Variants in MYO3B observed in about 807,000 individuals in gnomAD.
The protein encoded by MYO3B is myosin-IIIb.
Under a neutral mutation model 174.6 loss-of-function variants are expected in MYO3B, and 156 were observed. That is an observed-to-expected ratio of 0.89 (90% confidence interval 0.78 to 1.02). MYO3B has a LOEUF of 1.02. Ranked by LOEUF, MYO3B falls within the 50% of genes least tolerant of loss-of-function variation. The pLI, the probability that MYO3B is intolerant of heterozygous loss-of-function variation, is 0.00. For synonymous variants in MYO3B, 563 were observed against 569.1 expected, an observed-to-expected ratio of 0.99 and a Z score of 0.15; for missense variants, 1,632 against 1,639.4, an observed-to-expected ratio of 1.00 and a Z score of 0.08.
chr2:170,613,931 A>G (rs754233566), intron 32 of MYO3B, among the ~76,000 whole-genome samples: 16 of 152,070 alleles, frequency 1.1e-4, no homozygotes, highest in Non-Finnish European at 2.1e-4. Flanking sequence ...GTGATCATGT[A>G]AGTTAATACT....
At chr2:170,346,385 A>G (rs1280659408) in intron 8 of MYO3B, 1 of 152,142 alleles carries the variant, frequency 6.6e-6, no homozygotes, top group Non-Finnish European at 1.5e-5. Flanking sequence ...TGGTCCAGGG[A>G]AGGCAGAAGA....
At chr2:170,489,634 G>GGGGTGTGTGTGTGT (rs1553507396) in intron 25 of MYO3B, among the ~76,000 whole-genome samples, 26 of 139,394 alleles carry the variant, frequency 1.9e-4, no homozygotes, top group African/African-American at 4.2e-4. Context: ...AACCAGTAGG[G>GGGGTGTGTGTGTGT]GTGTGTGTGT....
At chr2:170,485,819 G>A (rs2106027105) in intron 25 of MYO3B, among the ~76,000 whole-genome samples, 1 of 152,296 alleles carries the variant, frequency 6.6e-6, no homozygotes, top group South Asian at 2.1e-4. Context: ...GAGATACTTG[G>A]GAGCCAGTTT....
chr2:170,349,797 C>CAAAAAAAAAAAAAAAAAAA (rs528799752), intron 8 of MYO3B: 1 of 94,378 alleles, frequency 1.1e-5, no homozygotes, highest in Non-Finnish European at 2.0e-5. Flanking sequence ...GACCCTGTCT[C>CAAAAAAAAAAAAAAAAAAA]AAAAAAAAAA....
chr2:170,284,570 G>A (rs536460287), intron 7 of MYO3B, among the ~76,000 whole-genome samples: 2 of 152,164 alleles, frequency 1.3e-5, no homozygotes, highest in Admixed American at 6.5e-5. Flanking sequence ...GAAAGGGAGC[G>A]AATGAAAATT....
intron 6 of MYO3B, among the ~76,000 whole-genome samples, chr2:170,221,739 AT>A (rs745661101): frequency 1.2e-4 from 15 of 129,698 alleles, no homozygotes; most frequent in South Asian, 2.5e-4. Flanking sequence ...GATCAGTAGA[AT>A]TTTTTTTTAA....
At chr2:170,256,324 A>T (rs1292573528) in intron 7 of MYO3B, among the ~76,000 whole-genome samples, 1 of 152,198 alleles carries the variant, frequency 6.6e-6, no homozygotes, top group African/African-American at 2.4e-5. Flanking sequence ...TATCCCTAAG[A>T]TGCATAGTAA....
rs958037330 is a variant in MYO3B at position 170,615,460 on chromosome 2, C to T, written c.3734-36168C>T. Among the ~76,000 whole-genome samples the T allele has an allele frequency of 5.9e-5, 9 of 152,310 alleles. No individual in the cohort carries two copies. In the East Asian group the frequency reaches 1.5e-3, roughly 26 times the overall value. ...AAGAGGGAATGGCCAGTGCCAAGGT[C>T]CTGAAGTGAGAGCAAAGCTGGTATG... On this transcript the variant is annotated intron_variant, in intron 32 of 34. Coordinates refer to ENST00000408978, the MANE Select transcript of MYO3B (RefSeq NM_138995.5).
intron 28 of MYO3B, among the ~76,000 whole-genome samples, chr2:170,505,870 A>T (rs1687590990): frequency 6.6e-6 from 1 of 152,174 alleles, no homozygotes; most frequent in South Asian, 2.1e-4. Context: ...GTCGGAAGAG[A>T]CGCTAGTTTA....
chr2:170,641,408 T>C (rs1324792220), intron 32 of MYO3B: 1 of 152,206 alleles, frequency 6.6e-6, no homozygotes, highest in Admixed American at 6.5e-5. Flanking sequence ...AAACAAATCA[T>C]AAGTTTTTAA....
intron 7 of MYO3B, among the ~76,000 whole-genome samples, chr2:170,299,477 G>T (rs1371964374): frequency 1.3e-5 from 2 of 151,702 alleles, no homozygotes; most frequent in Non-Finnish European, 2.9e-5. Context: ...TTTTTTAGAA[G>T]AAATGAAAAG....
chr2:170,249,528 C>T (rs1179238768), intron 7 of MYO3B, among the ~76,000 whole-genome samples: 1 of 152,102 alleles, frequency 6.6e-6, no homozygotes, highest in Non-Finnish European at 1.5e-5. Flanking sequence ...TGAACCAATC[C>T]CTTGGAGTGC....
At chr2:170,632,917 TC>T (rs1409350439) in intron 32 of MYO3B, among the ~76,000 whole-genome samples, 2 of 144,268 alleles carry the variant, frequency 1.4e-5, no homozygotes, top group Non-Finnish European at 3.1e-5. Flanking sequence ...ACTTATACCC[TC>T]CAAAGACAGC....
intron 32 of MYO3B, among the ~76,000 whole-genome samples, chr2:170,572,607 C>T (rs955597821): frequency 8.1e-6 from 1 of 124,034 alleles, no homozygotes; most frequent in African/African-American, 3.1e-5. Flanking sequence ...GACCCTATAT[C>T]AAAAAAAAAA....
intron 32 of MYO3B, among the ~76,000 whole-genome samples, chr2:170,566,062 A>ACTG (rs1468767883): frequency 5.3e-5 from 8 of 152,198 alleles, no homozygotes; most frequent in African/African-American, 1.9e-4. Context: ...GGCAACTTGA[A>ACTG]ATATTAGTCT....
chr2:170,623,204 T>C (rs1193083336), intron 32 of MYO3B, among the ~76,000 whole-genome samples: 1 of 152,166 alleles, frequency 6.6e-6, no homozygotes, highest in East Asian at 1.9e-4. Flanking sequence ...GTAAAACTGT[T>C]CCTATTTCTC....
chr2:170,382,177 T>A, intron 10 of MYO3B, 65 bp downstream of exon 10: 1 of 1,337,982 alleles, frequency 7.5e-7, no homozygotes. Flanking sequence ...GTCTGAACTT[T>A]CTGTTGTAGA....
chr2:170,466,425 A>G (rs1684634139), intron 24 of MYO3B, 81 bp from the exon 25 acceptor site: 2 of 1,321,822 alleles, frequency 1.5e-6, no homozygotes, highest in Non-Finnish European at 2.1e-6. Flanking sequence ...GAACTGCTCC[A>G]GAGGCTTCTG....
At chr2:170,207,047 C>T (rs1461239653) in intron 3 of MYO3B, among the ~76,000 whole-genome samples, 1 of 152,158 alleles carries the variant, frequency 6.6e-6, no homozygotes, top group Non-Finnish European at 1.5e-5. Flanking sequence ...GTCTACCTCA[C>T]CATGCCATAC....
Sources: gnomAD v4.1 joint callset for allele counts (sites outside exome capture counted in the v4.1 genomes callset) on GRCh38, gnomAD v4.1.1 for gene constraint, MANE v1.5 for transcripts, NCBI Gene and HGNC (gene_info 2026-07-23, HGNC 2026-07-21) for gene names.